HKDC1: variants seen among roughly 807,000 people sequenced by gnomAD.
HKDC1 encodes the protein hexokinase HKDC1.
A neutral mutation model predicts 96.6 loss-of-function variants in HKDC1; 66 were observed. That is an observed-to-expected ratio of 0.68 (90% CI 0.56 to 0.84). The LOEUF (loss-of-function observed/expected upper bound fraction) is 0.84. Among genes scored for constraint, HKDC1 ranks in the 40% least tolerant of loss-of-function variants. The pLI is 0.00. For synonymous variants in HKDC1, 466 were observed against 473.1 expected (o/e 0.98, Z 0.20); for missense variants, 1,211 against 1,208.1 (o/e 1.00, Z -0.04).
At chr10:69,225,738 C>T (rs1415392542) in intron 1 of HKDC1, 1 of 152,192 alleles carries the variant, frequency 6.6e-6, no homozygotes, top group Admixed American at 6.6e-5. Flanking sequence ...GAGCCAAAGC[C>T]AGGCCATGGG....
At chr10:69,245,045 G>C (rs1206129454) in intron 7 of HKDC1, among the ~76,000 whole-genome samples, 2 of 152,048 alleles carry the variant, frequency 1.3e-5, no homozygotes, top group African/African-American at 4.8e-5. Context: ...GGGATTACAG[G>C]CATGCGCCAC....
chr10:69,257,189 C>A, intron 13 of HKDC1, 58 bp downstream of exon 13: 1 of 1,481,814 alleles, frequency 6.7e-7, no homozygotes, highest in Non-Finnish European at 9.4e-7. Context: ...GGCCCCTCTG[C>A]TCTGCCATCC....
At chr10:69,227,168 C>A (rs1483532385) in intron 1 of HKDC1, 39 bp from the exon 2 acceptor site, 31 of 1,609,712 alleles carry the variant, frequency 1.9e-5, no homozygotes, top group Non-Finnish European at 2.5e-5. Context: ...AGGGTGAGGG[C>A]CCCCAGCAGC....
chr10:69,260,753 G>A (rs1034475347), intron 15 of HKDC1, among the ~76,000 whole-genome samples: 2 of 152,176 alleles, frequency 1.3e-5, no homozygotes, highest in Non-Finnish European at 2.9e-5. Context: ...TGGTAGAAAG[G>A]AGGAAGGGAA....
chr10:69,259,265 CTTTTAATAAGTCTCT>C (rs745976646), intron 15 of HKDC1, among the ~76,000 whole-genome samples: 5 of 152,198 alleles, frequency 3.3e-5, no homozygotes, highest in African/African-American at 4.8e-5. Context: ...TTGAGATGGG[CTTTTAATAAGTCTCT>C]TTCAGAGGCC....
At chr10:69,248,398 A>G (rs372706570) in intron 9 of HKDC1, 26 bp from the exon 10 acceptor site, 8 of 1,530,572 alleles carry the variant, frequency 5.2e-6, no homozygotes, top group African/African-American at 1.4e-5. Flanking sequence ...TGATTGCTAA[A>G]TATTTTGCCA....
At position 69,232,916 on chromosome 10, in the gene HKDC1, C is replaced by A. The variant is rs763467373; in HGVS notation, c.375+4C>A. ...CATCCGCGGGAACGGCACAGAGGTACCTGGCAGGTGGCTCCTGTGACCGCA... is the reference window on the plus strand; with the variant it reads ...CATCCGCGGGAACGGCACAGAGGTAACTGGCAGGTGGCTCCTGTGACCGCA... On this transcript the variant is annotated splice_donor_region_variant and intron_variant, in intron 3 of 17. Coordinates refer to ENST00000354624, the MANE Select transcript of HKDC1 (RefSeq NM_025130.4). The A allele has an allele frequency of 5.0e-6, 8 of 1,612,214 alleles. No homozygotes were observed. The highest frequency in any genetic ancestry group is 1.6e-4 in the Middle Eastern group (1 of 6,062).
intron 1 of HKDC1, among the ~76,000 whole-genome samples, chr10:69,223,983 A>T (rs9663245): frequency 3.3e-5 from 5 of 151,176 alleles, no homozygotes; most frequent in African/African-American, 4.8e-5. Flanking sequence ...CTGAGGCGGG[A>T]TGATCACTTG....
intron 4 of HKDC1, among the ~76,000 whole-genome samples, chr10:69,237,847 G>C (rs1564728638): frequency 6.6e-6 from 1 of 152,138 alleles, no homozygotes; most frequent in Non-Finnish European, 1.5e-5. Flanking sequence ...TTCACTCGCG[G>C]TGAAATTCAG....
At position 69,220,410 on chromosome 10, in the gene HKDC1, C is replaced by A; in HGVS notation, c.-26C>A. 6.3e-7 allele frequency: 1 copy of A among 1,583,226 alleles called. No individual in the cohort carries two copies. The highest frequency in any genetic ancestry group is 8.6e-7 in the Non-Finnish European group (1 of 1,163,982). Reference sequence around the variant, plus strand: ...ACACTGCACAGGAATCTCTGCCCATCTCAGGAGAAACCAAACTTGGGGAAA... The same window carrying A: ...ACACTGCACAGGAATCTCTGCCCATATCAGGAGAAACCAAACTTGGGGAAA... On this transcript the variant is annotated 5_prime_UTR_variant, in exon 1 of 18. Coordinates refer to ENST00000354624, the MANE Select transcript of HKDC1 (RefSeq NM_025130.4).
chr10:69,254,059 C>A (rs901294154), intron 12 of HKDC1, among the ~76,000 whole-genome samples: 13 of 152,212 alleles, frequency 8.5e-5, no homozygotes, highest in African/African-American at 3.1e-4. Flanking sequence ...CATCCCAGAA[C>A]TTTGGGAGGC....
chr10:69,240,732 C>A lies in HKDC1; in HGVS notation c.672C>A (p.Cys224Ter). Reference sequence around the variant, plus strand: ...CCTGTGCCTATGACGACCCCTACTGCGAAGTTGGTGTCATCATCGGTAACT... The same window carrying A: ...CCTGTGCCTATGACGACCCCTACTGAGAAGTTGGTGTCATCATCGGTAACT... ...MMTCAYDDPY[C>*]EVGVIIGTGT... is the part of the protein sequence containing the mutation. The change falls in exon 6 of 18, where the codon TGC becomes TGA. Residue 224 changes from cysteine (C) to a stop codon, truncating the protein, a stop_gained. Transcript: ENST00000354624. LOFTEE classifies it high-confidence loss of function. 1 of 1,613,868 alleles carries A rather than the reference C, an allele frequency of 6.2e-7. No individual in the cohort carries two copies. Among genetic ancestry groups the A allele is most frequent in the Non-Finnish European group, 8.5e-7 (1 of 1,179,834 alleles).
intron 12 of HKDC1, 22 bp downstream of exon 12, chr10:69,250,674 C>G: frequency 6.2e-7 from 1 of 1,611,802 alleles, no homozygotes; most frequent in Non-Finnish European, 8.5e-7. Flanking sequence ...CCACCAGGCT[C>G]ACGGCCAGCC....
Position 69,232,905 on chromosome 10 carries a change from G to C in HKDC1, c.368G>C (p.Gly123Ala). Reference protein sequence around the residue: ...PTPNEIIRGNGTELFEYVADC... With the variant: ...PTPNEIIRGNATELFEYVADC... ...CCCAATGAAATCATCCGCGGGAACG[G>C]CACAGAGGTACCTGGCAGGTGGCTC... Residue 123 changes from glycine to alanine, a missense_variant, in exon 3 of 18, where the codon GGC becomes GCC. By Grantham distance (60) the Gly-to-Ala change is moderately conservative (BLOSUM62 0). Coordinates refer to ENST00000354624, the MANE Select transcript of HKDC1 (RefSeq NM_025130.4). 6.2e-7 allele frequency: 1 copy of C among 1,612,780 alleles called. No individual in the cohort carries two copies. The highest frequency in any genetic ancestry group is 8.5e-7 in the Non-Finnish European group (1 of 1,180,028).
chr10:69,260,637 T>C (rs1188390912), intron 15 of HKDC1, among the ~76,000 whole-genome samples: 2 of 152,222 alleles, frequency 1.3e-5, no homozygotes, highest in African/African-American at 4.8e-5. Flanking sequence ...GTGTCACTGT[T>C]GTTAATGATG....
rs774803161 is a variant in HKDC1, at chr10:69,250,578, A to G, written c.1762A>G (p.Met588Val). ...GTGCATCGCCGACTTCCTGGACTAC[A>G]TGGGCCTCAAGGGAGCCTCCCTACC... ...VQCIADFLDY[M>V]GLKGASLPLG... Residue 588 changes from methionine to valine, a missense_variant, in exon 12 of 18, where the codon ATG (methionine) becomes GTG (valine). Coordinates refer to ENST00000354624, the MANE Select transcript of HKDC1 (RefSeq NM_025130.4). 7 of 1,613,922 alleles carry G rather than the reference A, an allele frequency of 4.3e-6. No individual in the cohort carries two copies. Among genetic ancestry groups the G allele is most frequent in the Non-Finnish European group, 5.1e-6 (6 of 1,180,012 alleles).
chr10:69,258,826 G>A lies in HKDC1; in HGVS notation c.2083G>A (p.Val695Met). 6.2e-7 allele frequency: 1 copy of A among 1,614,136 alleles called. No individual in the cohort carries two copies. The highest frequency in any genetic ancestry group is 8.5e-7 in the Non-Finnish European group (1 of 1,180,002). ...GGAGGACATGAGGAACATCGAGATG[G>A]TGGAGGGGGGTGAAGGGAAGATGTG... ...YMEDMRNIEM[V>M]EGGEGKMCIN... Residue 695 changes from valine (V) to methionine (M), a missense_variant, in exon 15 of 18, where the codon GTG becomes ATG. Transcript: ENST00000354624.
intron 9 of HKDC1, 54 bp downstream of exon 9, chr10:69,247,647 C>A: frequency 2.1e-6 from 3 of 1,420,720 alleles, no homozygotes; most frequent in Non-Finnish European, 2.9e-6. Context: ...TGGAGCAGGG[C>A]CCCAGTGTCT....
Position 69,266,839 on chromosome 10 carries a change from G to A in HKDC1, c.*82G>A, listed in dbSNP as rs539460815. 131 of 1,416,022 alleles carry A rather than the reference G, an allele frequency of 9.3e-5. 1 individual carries two copies. In the African/African-American group the frequency reaches 1.4e-3, roughly 15 times the overall value. 87.7% of individuals were successfully genotyped at this position (1,416,022 alleles called of 1,614,324 possible). A position where few individuals can be genotyped will look rare whatever the true frequency, so the allele number is the denominator to read the frequency against. On this transcript the variant is annotated 3_prime_UTR_variant, in exon 18 of 18. Transcript: ENST00000354624. Reference sequence around the variant, plus strand: ...AGATCAGTTGGTCAGAGACCAATGGGCACCCTCCTGGCTGACCTCACCTTC... The same window carrying A: ...AGATCAGTTGGTCAGAGACCAATGGACACCCTCCTGGCTGACCTCACCTTC...
Sources: gnomAD v4.1 joint callset for allele counts (sites outside exome capture counted in the v4.1 genomes callset) on GRCh38, gnomAD v4.1.1 for gene constraint, MANE v1.5 for transcripts, NCBI Gene and HGNC (gene_info 2026-07-23, HGNC 2026-07-21) for gene names.